EPHA5: variants seen among roughly 807,000 people sequenced by gnomAD.
The protein encoded by EPHA5 is EPH receptor A5.
EPHA5 carries 60 observed loss-of-function variants against 105.0 expected under a neutral mutation model. The ratio of observed to expected loss-of-function variants is 0.57; its 90% confidence interval spans 0.46 to 0.71. The LOEUF is 0.71. Ranked by LOEUF, EPHA5 falls within the 30% of genes least tolerant of loss-of-function variation. The pLI, the probability that EPHA5 is intolerant of heterozygous loss-of-function variation, is 0.00. For missense variants in EPHA5, 1,218 were observed against 1,274.7 expected (o/e 0.96, Z 0.68); for synonymous variants, 513 against 449.1 (o/e 1.14, Z -1.80).
chr4:65,613,142 C>T (rs1242964204), intron 2 of EPHA5, among the ~76,000 whole-genome samples: 3 of 151,928 alleles, frequency 2.0e-5, no homozygotes, highest in Non-Finnish European at 2.9e-5. Flanking sequence ...GTCCTAATCT[C>T]GGTATATGTT....
intron 2 of EPHA5, among the ~76,000 whole-genome samples, chr4:65,628,984 A>G (rs1746394347): frequency 1.3e-5 from 2 of 152,224 alleles, no homozygotes; most frequent in South Asian, 4.1e-4. Flanking sequence ...GTATATGCAC[A>G]CCATTTCCAT....
chr4:65,597,542 A>G (rs1381610226), intron 3 of EPHA5, among the ~76,000 whole-genome samples: 1 of 152,126 alleles, frequency 6.6e-6, no homozygotes, highest in East Asian at 1.9e-4. Context: ...ACAAGTGGGG[A>G]AACATACTTG....
chr4:65,370,388 T>TA (rs1718340938), intron 8 of EPHA5, among the ~76,000 whole-genome samples: 1 of 152,160 alleles, frequency 6.6e-6, no homozygotes, highest in African/African-American at 2.4e-5. Context: ...AATAATATTC[T>TA]AAATACAATT....
chr4:65,637,568 G>GTATATATATATATATA, intron 2 of EPHA5, among the ~76,000 whole-genome samples: 5 of 27,818 alleles, frequency 1.8e-4, no homozygotes, highest in Non-Finnish European at 2.9e-4. Context: ...TATGAGTTTT[G>GTATATATATATATATA]CATATATATA....
chr4:65,523,652 C>T (rs1734970311), intron 3 of EPHA5, among the ~76,000 whole-genome samples: 1 of 151,870 alleles, frequency 6.6e-6, no homozygotes, highest in Non-Finnish European at 1.5e-5. Context: ...ATATCAGAAA[C>T]CAGGAACTAT....
intron 3 of EPHA5, among the ~76,000 whole-genome samples, chr4:65,520,351 TCCTTA>T (rs1578321133): frequency 6.6e-6 from 1 of 152,250 alleles, no homozygotes; most frequent in South Asian, 2.1e-4. Flanking sequence ...CTGGATCCCT[TCCTTA>T]CACCTTATAC....
intron 5 of EPHA5, among the ~76,000 whole-genome samples, chr4:65,434,937 CTTGT>C (rs1469627928): frequency 6.6e-6 from 1 of 152,024 alleles, no homozygotes; most frequent in Non-Finnish European, 1.5e-5. Flanking sequence ...CAGCCAATGT[CTTGT>C]TTAAGATATA....
chr4:65,424,286 C>A (rs1724214952), intron 5 of EPHA5, among the ~76,000 whole-genome samples: 1 of 151,998 alleles, frequency 6.6e-6, no homozygotes, highest in African/African-American at 2.4e-5. Flanking sequence ...CCTTACTTTT[C>A]AGATATAGAA....
chr4:65,518,641 A>G (rs1474499759), intron 3 of EPHA5, among the ~76,000 whole-genome samples: 2 of 152,092 alleles, frequency 1.3e-5, no homozygotes, highest in East Asian at 3.9e-4. Context: ...TTATGTTCTT[A>G]CGTCAGATGT....
At chr4:65,333,839 C>T (rs996515774) in intron 15 of EPHA5, among the ~76,000 whole-genome samples, 1 of 151,512 alleles carries the variant, frequency 6.6e-6, no homozygotes, top group African/African-American at 2.4e-5. Flanking sequence ...GGCCCCAGGT[C>T]CAAGACCACA....
intron 5 of EPHA5, among the ~76,000 whole-genome samples, chr4:65,483,549 A>C (rs973886692): frequency 1.3e-5 from 2 of 152,114 alleles, no homozygotes; most frequent in East Asian, 1.9e-4. Flanking sequence ...GGAGGGAAGG[A>C]GGTGGGTGTA....
chr4:65,386,467 C>T (rs959407884), intron 8 of EPHA5, among the ~76,000 whole-genome samples: 7 of 151,522 alleles, frequency 4.6e-5, no homozygotes, highest in African/African-American at 1.7e-4. Context: ...ATGCATTGAC[C>T]CTTACTTTGA....
intron 3 of EPHA5, among the ~76,000 whole-genome samples, chr4:65,520,602 G>T (rs2149278964): frequency 6.6e-6 from 1 of 152,158 alleles, no homozygotes; most frequent in East Asian, 1.9e-4. Flanking sequence ...CCTACAGAAT[G>T]GGAGAAAATT....
intron 11 of EPHA5, among the ~76,000 whole-genome samples, chr4:65,361,894 T>C (rs568698344): frequency 5.3e-5 from 8 of 151,708 alleles, no homozygotes; most frequent in African/African-American, 1.9e-4. Flanking sequence ...AATTTTCCAC[T>C]GATGGTAGAT....
chr4:65,409,127 G>A (rs926872431), intron 7 of EPHA5, among the ~76,000 whole-genome samples: 3 of 135,090 alleles, frequency 2.2e-5, no homozygotes, highest in African/African-American at 5.5e-5. Flanking sequence ...ACTCATAGGT[G>A]GGAATTGAAC....
At chr4:65,374,789 G>A (rs887747899) in intron 8 of EPHA5, among the ~76,000 whole-genome samples, 5 of 151,872 alleles carry the variant, frequency 3.3e-5, no homozygotes, top group African/African-American at 1.2e-4. Flanking sequence ...TTCTAAAACT[G>A]TAAATGTGTC....
intron 2 of EPHA5, 77 bp downstream of exon 2, chr4:65,643,286 T>C (rs1747826143): frequency 4.3e-6 from 5 of 1,150,220 alleles, no homozygotes. Context: ...ATCCAGTACA[T>C]ATTCATTCCT....
chr4:65,503,554 T>A (rs1732702938), intron 3 of EPHA5, among the ~76,000 whole-genome samples: 1 of 151,684 alleles, frequency 6.6e-6, no homozygotes, highest in Non-Finnish European at 1.5e-5. Context: ...AATCATTAAA[T>A]CTCTCAATAC....
chr4:65,436,864 A>G (rs1387007304), intron 5 of EPHA5, among the ~76,000 whole-genome samples: 1 of 152,008 alleles, frequency 6.6e-6, no homozygotes, highest in East Asian at 1.9e-4. Flanking sequence ...CCCTTTATTT[A>G]GCACTCATTT....
Sources: allele counts gnomAD v4.1 joint callset (sites outside exome capture counted in the v4.1 genomes callset), GRCh38; gene constraint gnomAD v4.1.1; transcripts MANE v1.5; gene names NCBI Gene and HGNC (gene_info 2026-07-23, HGNC 2026-07-21).